Variants in CDKL1 observed in about 807,000 individuals in gnomAD.
CDKL1 encodes the protein cyclin dependent kinase like 1.
A neutral mutation model predicts 42.0 loss-of-function variants in CDKL1; 41 were observed. That is an observed-to-expected ratio of 0.98 (90% CI 0.76 to 1.27). CDKL1 has a LOEUF of 1.27. Among genes scored for constraint, CDKL1 ranks in the 50% most tolerant of loss-of-function variants. The probability of loss-of-function intolerance (pLI) is 0.00; values close to 1 mark genes in which losing one functional copy is unlikely to be tolerated. For missense variants in CDKL1, 394 were observed against 428.4 expected (o/e 0.92, Z 0.71); for synonymous variants, 153 against 158.6 (o/e 0.96, Z 0.26).
chr14:50,334,920 G>GT (rs11445321), intron 7 of CDKL1: 132,577 of 190,188 alleles, frequency 0.7, 44,740 homozygotes, highest in East Asian at 0.82. Context: ...TTTCTGAGCA[G>GT]TTTTTTTTTT....
intron 6 of CDKL1, among the ~76,000 whole-genome samples, chr14:50,340,451 T>C (rs1595272529): frequency 6.6e-6 from 1 of 152,020 alleles, no homozygotes; most frequent in Non-Finnish European, 1.5e-5. Context: ...TCACTACTGA[T>C]GGGTTTTTTT....
chr14:50,371,468 A>C (rs777241698), intron 2 of CDKL1, among the ~76,000 whole-genome samples: 36 of 152,192 alleles, frequency 2.4e-4, no homozygotes, highest in Non-Finnish European at 4.6e-4. Flanking sequence ...GCATTTTCCT[A>C]ATGATTAGAA....
chr14:50,396,383 G>A, intron 1 of CDKL1, 54 bp from the exon 2 acceptor site: 2 of 985,690 alleles, frequency 2.0e-6, no homozygotes, highest in Non-Finnish European at 2.4e-6. Context: ...TGTCGGCAAT[G>A]GCAACGCGAT....
At chr14:50,373,384 G>A (rs758265683) in intron 2 of CDKL1, among the ~76,000 whole-genome samples, 2 of 152,188 alleles carry the variant, frequency 1.3e-5, no homozygotes, top group Non-Finnish European at 2.9e-5. Context: ...AGTCTCACTG[G>A]TTGTAAGAGA....
Position 50,378,200 on chromosome 14 carries a change from C to G in CDKL1, c.168+17501G>C. ...ACCTGCAGACCTTAAAAATCCCTCA[C>G]ATGATGCAGGTGCCTCCTTAGGAGG... On this transcript the variant is annotated intron_variant, in intron 2 of 9. Transcript: ENST00000395834. 3 of 1,366,450 alleles carry G rather than the reference C, an allele frequency of 2.2e-6. No individual in the cohort carries two copies. The South Asian group carries it at 3.4e-5, about 16-fold the overall frequency. 84.6% of individuals were successfully genotyped at this position (1,366,450 alleles called of 1,614,324 possible). A position where few individuals can be genotyped will look rare whatever the true frequency, so the allele number is the denominator to read the frequency against.
intron 9 of CDKL1, chr14:50,330,413 GA>G (rs2032872211): frequency 2.3e-6 from 1 of 433,084 alleles, no homozygotes; most frequent in African/African-American, 2.1e-5. Context: ...TAGAGAATAT[GA>G]AAAGGGGAAA....
At chr14:50,377,146 A>C (rs1270789964) in intron 2 of CDKL1, among the ~76,000 whole-genome samples, 2 of 152,154 alleles carry the variant, frequency 1.3e-5, no homozygotes, top group African/African-American at 4.8e-5. Flanking sequence ...GATTTGCTGA[A>C]ACCACTGCAG....
intron 1 of CDKL1, 125 bp from the exon 2 acceptor site, chr14:50,396,454 A>G (rs1271278582): frequency 1.0e-6 from 1 of 985,068 alleles, no homozygotes; most frequent in Non-Finnish European, 1.2e-6. Context: ...CCCGTTAAAT[A>G]CCCTGTAAGT....
intron 2 of CDKL1, among the ~76,000 whole-genome samples, chr14:50,370,002 T>C (rs9944030): frequency 0.013 from 2,042 of 152,210 alleles, 43 homozygotes; most frequent in African/African-American, 0.046. Flanking sequence ...AATTAACATA[T>C]ATCCATCACT....
chr14:50,329,955 G>C lies in CDKL1; in HGVS notation c.*119C>G, dbSNP rs951104011. The stretch of plus-strand genomic sequence containing the variant: ...TTGCCAGTTGGCCTCCCAGTTTCTT[G>C]CTTATGTTTTCTCCTGGTGTGTTTT... On this transcript the variant is annotated 3_prime_UTR_variant, in exon 10 of 10. Coordinates refer to ENST00000395834, the MANE Select transcript of CDKL1 (RefSeq NM_004196.7). 3 of 1,244,404 alleles carry C rather than the reference G, an allele frequency of 2.4e-6. No homozygotes were observed. The highest frequency in any genetic ancestry group is 3.2e-6 in the Non-Finnish European group (3 of 933,724). 77.1% of individuals were successfully genotyped at this position (1,244,404 alleles called of 1,614,324 possible).
At chr14:50,336,167 A>G in intron 7 of CDKL1, 5 of 1,363,128 alleles carry the variant, frequency 3.7e-6, no homozygotes, top group Non-Finnish European at 4.9e-6. Flanking sequence ...AGCGTTTCAC[A>G]GCCCCAGAAG....
chr14:50,352,081 C>T (rs1003260665), intron 3 of CDKL1, among the ~76,000 whole-genome samples: 4 of 152,144 alleles, frequency 2.6e-5, no homozygotes, highest in African/African-American at 9.7e-5. Flanking sequence ...ATTTGATTTG[C>T]TAATAATTTT....
chr14:50,395,956 G>A lies in CDKL1; in HGVS notation c.-88C>T, dbSNP rs756537756. 127 of 1,250,334 alleles carry A rather than the reference G, an allele frequency of 1.0e-4. No individual in the cohort carries two copies. Among genetic ancestry groups the A allele is most frequent in the Non-Finnish European group, 1.4e-4 (120 of 865,870 alleles). The allele number at this position is 1,250,334 out of a possible 1,614,324, so 77.5% of individuals were successfully genotyped here. A position where few individuals can be genotyped will look rare whatever the true frequency, so the allele number is the denominator to read the frequency against. On this transcript the variant is annotated 5_prime_UTR_variant, in exon 2 of 10. Transcript: ENST00000395834. ...TCCCAGCACTTTGGGAGGCTGAGGC[G>A]GGCAGATCACCTGAGGTCAGGAGTT... is the stretch of plus-strand genomic sequence containing the variant.
In CDKL1 at chr14:50,371,160, C is replaced by T. The variant is rs571272299; in HGVS notation, c.169-12011G>A. Among the ~76,000 whole-genome samples the T allele has an allele frequency of 2.6e-5, 4 of 152,250 alleles. No individual in the cohort carries two copies. In the South Asian group the frequency reaches 8.3e-4, roughly 32 times the overall value. ...TCTTTATATATTCATCCACTGATGGCCACTTAGGTTAATTTTATGACTTTG... is the reference window on the plus strand; with the variant it reads ...TCTTTATATATTCATCCACTGATGGTCACTTAGGTTAATTTTATGACTTTG... On this transcript the variant is annotated intron_variant, in intron 2 of 9. Transcript: ENST00000395834.
intron 2 of CDKL1, among the ~76,000 whole-genome samples, chr14:50,363,523 A>G (rs1222835078): frequency 6.6e-6 from 1 of 152,262 alleles, no homozygotes; most frequent in Non-Finnish European, 1.5e-5. Flanking sequence ...TTTCTTTCAG[A>G]CTGAAAAATA....
intron 2 of CDKL1, among the ~76,000 whole-genome samples, chr14:50,382,483 G>A (rs2034942373): frequency 6.6e-6 from 1 of 151,950 alleles, no homozygotes; most frequent in Admixed American, 6.6e-5. Flanking sequence ...AAAATTTAAA[G>A]TGAAAGACAC....
chr14:50,343,068 A>G (rs1469892866), intron 4 of CDKL1: 2 of 1,315,080 alleles, frequency 1.5e-6, no homozygotes, highest in Admixed American at 2.3e-5. Flanking sequence ...TCTTAGAGAA[A>G]AGAACGTTTG....
At chr14:50,373,083 A>C (rs2034633633) in intron 2 of CDKL1, among the ~76,000 whole-genome samples, 1 of 152,182 alleles carries the variant, frequency 6.6e-6, no homozygotes, top group Non-Finnish European at 1.5e-5. Flanking sequence ...ATAACATTGG[A>C]ATTTTGATCA....
At chr14:50,382,711 A>C (rs2034951947) in intron 2 of CDKL1, among the ~76,000 whole-genome samples, 1 of 151,834 alleles carries the variant, frequency 6.6e-6, no homozygotes, top group African/African-American at 2.4e-5. Flanking sequence ...CTCCCATGTC[A>C]GCCTCCTGAA....
Sources: gnomAD v4.1 joint callset for allele counts (sites outside exome capture counted in the v4.1 genomes callset) on GRCh38, gnomAD v4.1.1 for gene constraint, MANE v1.5 for transcripts, NCBI Gene and HGNC (gene_info 2026-07-23, HGNC 2026-07-21) for gene names.